CACNA2D4: variants seen among roughly 807,000 people sequenced by gnomAD.
CACNA2D4 encodes voltage-dependent calcium channel subunit alpha-2/delta-4.
Under a neutral mutation model 163.8 loss-of-function variants are expected in CACNA2D4, and 157 were observed. That is an observed-to-expected ratio of 0.96 (90% CI 0.84 to 1.09). The LOEUF (loss-of-function observed/expected upper bound fraction) is 1.09, where lower values mean the gene tolerates loss of function less well. Ranked by LOEUF, CACNA2D4 falls within the 50% of genes least tolerant of loss-of-function variation. The pLI, the probability that CACNA2D4 is intolerant of heterozygous loss-of-function variation, is 0.00. For synonymous variants in CACNA2D4, 598 were observed against 586.9 expected, an observed-to-expected ratio of 1.02 and a Z score of -0.27; for missense variants, 1,410 against 1,479.9, an observed-to-expected ratio of 0.95 and a Z score of 0.78.
chr12:1,809,931 GT>G, intron 29 of CACNA2D4, among the ~76,000 whole-genome samples: 1 of 152,252 alleles, frequency 6.6e-6, no homozygotes, highest in East Asian at 1.9e-4. Context: ...TTGGATCCTT[GT>G]GGGGAGGCCC....
chr12:1,872,219 G>A (rs1200644220), intron 18 of CACNA2D4, among the ~76,000 whole-genome samples: 1 of 152,170 alleles, frequency 6.6e-6, no homozygotes, highest in Non-Finnish European at 1.5e-5. Flanking sequence ...GATGGTGTGT[G>A]TTCTCTCATC....
intron 26 of CACNA2D4, among the ~76,000 whole-genome samples, chr12:1,812,498 A>G (rs1268109527): frequency 2.6e-5 from 4 of 152,280 alleles, no homozygotes; most frequent in African/African-American, 7.2e-5. Context: ...GGCAGGTTAT[A>G]TTGAAAAGAA....
intron 13 of CACNA2D4, among the ~76,000 whole-genome samples, chr12:1,880,982 C>A (rs564183836): frequency 6.6e-6 from 1 of 152,310 alleles, no homozygotes; most frequent in South Asian, 2.1e-4. Context: ...ACAGCTGTCC[C>A]TGCACTCATG....
intron 3 of CACNA2D4, 109 bp from the exon 4 acceptor site, chr12:1,910,074 T>C: frequency 1.2e-6 from 1 of 845,886 alleles, no homozygotes; most frequent in Non-Finnish European, 2.0e-6. Flanking sequence ...CCTGGGTGTA[T>C]GCCCAGAAGG....
chr12:1,915,226 A>G (rs928074267), intron 1 of CACNA2D4: 1 of 702,534 alleles, frequency 1.4e-6, no homozygotes, highest in African/African-American at 1.7e-5. Flanking sequence ...AGCTACAGCC[A>G]TGGCCTGGGC....
chr12:1,903,315 C>A (rs1349193405), intron 6 of CACNA2D4, among the ~76,000 whole-genome samples: 1 of 152,020 alleles, frequency 6.6e-6, no homozygotes, highest in Non-Finnish European at 1.5e-5. Context: ...GCAAGGATTT[C>A]CTGAGTAATA....
At chr12:1,848,272 A>T (rs1865196108) in intron 23 of CACNA2D4, among the ~76,000 whole-genome samples, 1 of 151,910 alleles carries the variant, frequency 6.6e-6, no homozygotes, top group Admixed American at 6.5e-5. Flanking sequence ...CTTGCAATCG[A>T]TGTGTGGAAC....
rs766798117 is a variant in CACNA2D4, at chr12:1,834,327, G to A, written c.2551+6412C>T. On this transcript the variant is annotated intron_variant, in intron 26 of 37. Transcript: ENST00000382722. The surrounding 1 kb of genome is among the most constrained non-coding windows in gnomAD (Gnocchi z 7.6). The stretch of plus-strand genomic sequence containing the variant: ...AAGGAGCTGAGGGGGAAGGACATGC[G>A]GATGGTCCCCATGGAGATGTTCAAC... The A allele has an allele frequency of 2.2e-5, 35 of 1,611,240 alleles. No individual in the cohort carries two copies. The highest frequency in any genetic ancestry group is 3.3e-5 in the Admixed American group (2 of 59,888).
intron 8 of CACNA2D4, 85 bp downstream of exon 8, chr12:1,886,138 G>A: frequency 1.9e-6 from 3 of 1,545,550 alleles, no homozygotes; most frequent in Non-Finnish European, 1.8e-6. Context: ...GTCACCGGGT[G>A]GTCAGGGGTT....
At position 1,798,581 on chromosome 12, in the gene CACNA2D4, C is replaced by T. The variant is rs1233320900; in HGVS notation, c.2996-1046G>A. ...GCCTGACAATGGCAGGGTTGAGTGG[C>T]GTCCCCAGGGTCACGCAGTGGAAGG... On this transcript the variant is annotated intron_variant, in intron 34 of 37. Transcript: ENST00000382722. This position sits in a 1 kb window ranked among gnomAD's most constrained non-coding sequence, Gnocchi z 4.3. 1.3e-5 allele frequency among the ~76,000 whole-genome samples: 2 copies of T among 152,020 alleles called. No individual in the cohort carries two copies. Among genetic ancestry groups the T allele is most frequent in the Non-Finnish European group, 1.5e-5 (1 of 67,990 alleles).
intron 34 of CACNA2D4, chr12:1,797,809 A>G (rs2154445131): frequency 1.9e-6 from 1 of 538,024 alleles, no homozygotes; most frequent in Non-Finnish European, 3.3e-6. Flanking sequence ...CCTGGCCCTC[A>G]CTGAGCTGGG....
chr12:1,852,570 T>C (rs1473377363), intron 23 of CACNA2D4, among the ~76,000 whole-genome samples: 2 of 152,196 alleles, frequency 1.3e-5, no homozygotes, highest in African/African-American at 4.8e-5. Context: ...TCTTTGGAGA[T>C]GGTTATGTAT....
intron 26 of CACNA2D4, among the ~76,000 whole-genome samples, chr12:1,825,675 T>C (rs1378777571): frequency 1.3e-5 from 2 of 152,218 alleles, no homozygotes; most frequent in Non-Finnish European, 2.9e-5. Flanking sequence ...GGTGTGTGTT[T>C]GCATCACGTG....
Position 1,828,206 on chromosome 12 carries a change from C to T in CACNA2D4, c.2551+12533G>A. The T allele has an allele frequency of 6.5e-7, 1 of 1,545,572 alleles. No individual in the cohort carries two copies. Among genetic ancestry groups the T allele is most frequent in the Non-Finnish European group, 8.7e-7 (1 of 1,144,586 alleles). Reference sequence around the variant, plus strand: ...GGGCAGGCTCGCCCTGCAGTGGAGGCAAGTCTCCTGTGAGTACACCCCTGG... The same window carrying T: ...GGGCAGGCTCGCCCTGCAGTGGAGGTAAGTCTCCTGTGAGTACACCCCTGG... On this transcript the variant is annotated intron_variant, in intron 26 of 37. Coordinates refer to ENST00000382722, the MANE Select transcript of CACNA2D4 (RefSeq NM_172364.5). The surrounding 1 kb of genome is among the most constrained non-coding windows in gnomAD (Gnocchi z 4.2).
chr12:1,878,498 CAGTG>C lies in CACNA2D4; in HGVS notation c.1645-113_1645-110del. ...GACGGTCAAAGATGGCAGCTCACAG[CAGTG>C]AGTGTTTTCAATAGGAACGTAACTG... On this transcript the variant is annotated intron_variant, in intron 15 of 37. Transcript: ENST00000382722. The surrounding 1 kb of genome is among the most constrained non-coding windows in gnomAD (Gnocchi z 4.6). 1 of 1,544,076 alleles carries C rather than the reference CAGTG, an allele frequency of 6.5e-7. No individual in the cohort carries two copies. Among genetic ancestry groups the C allele is most frequent in the East Asian group, 2.4e-5 (1 of 40,866 alleles).
Position 1,844,467 on chromosome 12 carries a change from TACC to T in CACNA2D4, c.2402_2404del (p.Trp801del). 6.2e-7 allele frequency: 1 copy of T among 1,613,572 alleles called. No homozygotes were observed. On this transcript the variant is annotated inframe_deletion, in exon 25 of 38. Transcript: ENST00000382722. The surrounding 1 kb of genome is among the most constrained non-coding windows in gnomAD (Gnocchi z 4.2). ...AGCAGGATGCTCTGAGGCCTGGCGG[TACC>T]ACAGCGGGAAGCGGTCCAGGGTGAA... is the stretch of plus-strand genomic sequence containing the variant.
In CACNA2D4 at chr12:1,878,341, G is replaced by A. The variant is rs749023533; in HGVS notation, c.1693C>T (p.Leu565Phe). The part of the protein sequence containing the change: ...AFLNTNNGYI[L>F]SHPDLRPLYR... ...AGGGGCCGGAGGTCGGGATGGGAGA[G>A]GATGTAGCCATTGTTGGTGTTCAGA... Residue 565 changes from leucine (L) to phenylalanine (F), a missense_variant, in exon 16 of 38, where the codon CTC (leucine) becomes TTC (phenylalanine). Coordinates refer to ENST00000382722, the MANE Select transcript of CACNA2D4 (RefSeq NM_172364.5). This position sits in a 1 kb window ranked among gnomAD's most constrained non-coding sequence, Gnocchi z 4.6. 2.7e-5 allele frequency: 43 copies of A among 1,609,948 alleles called. No homozygotes were observed. The African/African-American group carries it at 5.5e-4, about 20-fold the overall frequency.
At position 1,820,250 on chromosome 12, in the gene CACNA2D4, G is replaced by C. The variant is rs1297280033; in HGVS notation, c.2552-8527C>G. The C allele has an allele frequency of 2.6e-5, 4 of 152,232 alleles. No homozygotes were observed. Among genetic ancestry groups the C allele is most frequent in the African/African-American group, 9.7e-5 (4 of 41,358 alleles). The allele number at this position is 152,232 out of a possible 1,614,324, so 9.4% of individuals were successfully genotyped here. On this transcript the variant is annotated intron_variant, in intron 26 of 37. Transcript: ENST00000382722. The surrounding 1 kb of genome is among the most constrained non-coding windows in gnomAD (Gnocchi z 6.0). ...GGCACAGAAGACAGGTGCAGCCGGG[G>C]GGGTGAGGGAGAGCCTGGAGGCGCA...
intron 6 of CACNA2D4, among the ~76,000 whole-genome samples, chr12:1,898,514 G>A (rs1408278457): frequency 6.6e-6 from 1 of 152,068 alleles, no homozygotes; most frequent in African/African-American, 2.4e-5. Context: ...GCAAATCAAA[G>A]TTGCCATGAG....
Sources: allele counts gnomAD v4.1 joint callset (sites outside exome capture counted in the v4.1 genomes callset), GRCh38; gene constraint gnomAD v4.1.1; non-coding constraint Gnocchi (gnomAD v3.1); transcripts MANE v1.5; gene names NCBI Gene and HGNC (gene_info 2026-07-23, HGNC 2026-07-21).